The following XKRX variants were observed in gnomAD, a reference collection of about 807,000 sequenced individuals.
XKRX encodes XK-related protein 2.
Under a neutral mutation model 22.4 loss-of-function variants are expected in XKRX, and 11 were observed. The ratio of observed to expected loss-of-function variants is 0.49; its 90% CI spans 0.31 to 0.81. The LOEUF is 0.81. XKRX is among the 40% of genes least tolerant of loss of function. The probability of loss-of-function intolerance (pLI) is 0.05; values close to 1 mark genes in which losing one functional copy is unlikely to be tolerated. For synonymous variants in XKRX, 114 were observed against 132.2 expected (o/e 0.86, Z 0.94); for missense variants, 320 against 336.5 (o/e 0.95, Z 0.38).
chrX:100,910,810 A>T (rs2040880176), downstream of XKRX: 5 of 785,469 alleles, frequency 6.4e-6, no homozygotes, highest in Admixed American at 1.1e-4. Context: ...AGAGGCTACG[A>T]ACGTTCAAAG....
chrX:100,923,134 T>G, intron 1 of XKRX, 73 bp from the exon 2 acceptor site: 10 of 1,132,251 alleles, frequency 8.8e-6, no homozygotes, highest in Non-Finnish European at 1.2e-5. Flanking sequence ...GGGAAAAAAA[T>G]AACTTGGGGA....
chrX:100,888,592 G>A, the XKRX span: 2 of 464,680 alleles, frequency 4.3e-6, no homozygotes, highest in East Asian at 3.6e-5. Flanking sequence ...ACTTAGACAC[G>A]ACGGAAGGGA....
At chrX:100,896,894 A>T in the XKRX span, among the ~76,000 whole-genome samples, 4 of 111,831 alleles carry the variant, frequency 3.6e-5, no homozygotes, top group African/African-American at 1.3e-4. Context: ...TCAATCCCAA[A>T]AAACTAAAAA....
the XKRX span, among the ~76,000 whole-genome samples, chrX:100,940,750 T>C: frequency 8.9e-6 from 1 of 111,780 alleles, no homozygotes; most frequent in East Asian, 2.8e-4. Flanking sequence ...TGAGAATCTA[T>C]GTTTTAAGCA....
At chrX:100,932,869 A>T (rs1276952209), upstream of XKRX, among the ~76,000 whole-genome samples, 3 of 112,293 alleles carry the variant, frequency 2.7e-5, no homozygotes, top group Non-Finnish European at 5.6e-5. Context: ...TAGAATGCTT[A>T]AAAGATATCT....
At chrX:100,897,171 G>T in the XKRX span, among the ~76,000 whole-genome samples, 1 of 111,586 alleles carries the variant, frequency 9.0e-6, no homozygotes, top group Admixed American at 9.6e-5. Context: ...TAGAAACAAA[G>T]ATTGTCAGGG....
At position 100,913,524 on chromosome X, in the gene XKRX, G is replaced by A. The variant is rs2085415678; in HGVS notation, c.*814C>T. 2 of 112,097 alleles carry A rather than the reference G, an allele frequency of 1.8e-5. No individual in the cohort carries two copies. The highest frequency in any genetic ancestry group is 9.5e-5 in the Admixed American group (1 of 10,488). 9.2% of individuals were successfully genotyped at this position (112,097 alleles called of 1,213,427 possible). A position where few individuals can be genotyped will look rare whatever the true frequency, so the allele number is the denominator to read the frequency against. On this transcript the variant is annotated 3_prime_UTR_variant, in exon 3 of 3. Transcript: ENST00000372956. ...TCAGCTTCTCTGAGGTCCACATCAAGTAGTAAAATACCAAGAGCACAGAAA... is the reference window on the plus strand; with the variant it reads ...TCAGCTTCTCTGAGGTCCACATCAAATAGTAAAATACCAAGAGCACAGAAA...
rs369370597 is a variant in XKRX, at chrX:100,914,776, G to T, written c.912C>A (p.Ser304Arg). ...QMPNNIEKNF[S>R]RVGTLVVLIS... ...TCAGGACCACCAGAGTGCCGACCCGGCTGAAGTTTTTCTCAATGTTATTGG... is the reference window on the plus strand; with the variant it reads ...TCAGGACCACCAGAGTGCCGACCCGTCTGAAGTTTTTCTCAATGTTATTGG... The change falls in exon 3 of 3, where the codon AGC becomes AGA. Residue 304 changes from serine (S) to arginine (R), a missense_variant. Ser to Arg is a moderately radical substitution (Grantham distance 110). Transcript: ENST00000372956. 6.6e-6 allele frequency: 8 copies of T among 1,209,666 alleles called. No individual in the cohort carries two copies. Among genetic ancestry groups the T allele is most frequent in the Non-Finnish European group, 8.9e-6 (8 of 895,262 alleles).
the XKRX span, among the ~76,000 whole-genome samples, chrX:100,893,205 T>C: frequency 8.9e-6 from 1 of 112,003 alleles, no homozygotes; most frequent in African/African-American, 3.2e-5. Flanking sequence ...TTGGTCAACA[T>C]GTACAAAGTT....
the XKRX span, among the ~76,000 whole-genome samples, chrX:100,950,548 T>A: frequency 8.9e-6 from 1 of 112,095 alleles, no homozygotes; most frequent in Admixed American, 9.5e-5. Context: ...TAATTGACAT[T>A]TACAGAATAT....
the XKRX span, chrX:100,887,670 T>C: frequency 1.5e-6 from 1 of 661,386 alleles, no homozygotes; most frequent in Admixed American, 2.2e-5. Flanking sequence ...CTACTGCTGC[T>C]ACTGGAACCA....
At position 100,914,324 on chromosome X, in the gene XKRX, C is replaced by T; in HGVS notation, c.*14G>A. 1 of 1,199,682 alleles carries T rather than the reference C, an allele frequency of 8.3e-7. No homozygotes were observed. The highest frequency in any genetic ancestry group is 2.3e-5 in the Admixed American group (1 of 44,263). ...GCAACTCCCAACTCTTCCTAAAATA[C>T]CCAGAAAATAGAATCAGACAACACT... On this transcript the variant is annotated 3_prime_UTR_variant, in exon 3 of 3. Coordinates refer to ENST00000372956, the MANE Select transcript of XKRX (RefSeq NM_212559.3).
chrX:100,889,314 G>A, the XKRX span, among the ~76,000 whole-genome samples: 1 of 105,150 alleles, frequency 9.5e-6, no homozygotes, highest in Non-Finnish European at 2.0e-5. Flanking sequence ...TTAAGATGAG[G>A]TCATACTGGA....
chrX:100,887,725 GC>G, the XKRX span: 5 of 709,061 alleles, frequency 7.1e-6, no homozygotes, highest in Admixed American at 1.1e-4. Context: ...ATTGGCCTCC[GC>G]CACCATAGGG....
intron 2 of XKRX, among the ~76,000 whole-genome samples, chrX:100,921,280 C>T (rs11092287): frequency 0.18 from 19,486 of 110,665 alleles, 1,415 homozygotes; most frequent in African/African-American, 0.24. Context: ...TCAAGTGATC[C>T]GCCTGTCTTG....
rs1049698272 is a variant in XKRX at position 100,920,904 on chromosome X, C to T, written c.604+1889G>A. On this transcript the variant is annotated intron_variant, in intron 2 of 2. Transcript: ENST00000372956. ...CCTCCCAAGTAGCTGGGATTACAGG[C>T]ACCCACCACCACGCCTGGCTGAATT... Among the ~76,000 whole-genome samples the T allele has an allele frequency of 2.7e-5, 3 of 110,478 alleles. No individual in the cohort carries two copies. In the Admixed American group the frequency reaches 2.9e-4, roughly 11 times the overall value.
At chrX:100,922,226 T>C (rs2085476791) in intron 2 of XKRX, among the ~76,000 whole-genome samples, 1 of 111,774 alleles carries the variant, frequency 8.9e-6, no homozygotes. Context: ...GGGTACCTTT[T>C]AGAAATACAT....
At chrX:100,893,456 T>C in the XKRX span, among the ~76,000 whole-genome samples, 1 of 111,767 alleles carries the variant, frequency 8.9e-6, no homozygotes, top group Non-Finnish European at 1.9e-5. Context: ...GCTATCCCAC[T>C]ACTGTATATC....
chrX:100,933,187 A>T (rs2085526096), upstream of XKRX, among the ~76,000 whole-genome samples: 4 of 109,816 alleles, frequency 3.6e-5, no homozygotes, highest in Admixed American at 3.9e-4. Flanking sequence ...AAAGAAAAAG[A>T]AAAAGAAAAA....
Sources: allele counts gnomAD v4.1 joint callset (sites outside exome capture counted in the v4.1 genomes callset), GRCh38; gene constraint gnomAD v4.1.1; transcripts MANE v1.5; gene names NCBI Gene and HGNC (gene_info 2026-07-23, HGNC 2026-07-21).